PRIM2: variants seen among roughly 807,000 people sequenced by gnomAD.
PRIM2 encodes the protein DNA primase large subunit.
A neutral mutation model predicts 67.3 loss-of-function variants in PRIM2; 39 were observed. The ratio of observed to expected loss-of-function variants is 0.58; its 90% CI spans 0.45 to 0.76. The LOEUF is 0.76. Ranked by LOEUF, PRIM2 falls within the 30% of genes least tolerant of loss-of-function variation. PRIM2 has a pLI of 0.00. For missense variants in PRIM2, 398 were observed against 598.7 expected (o/e 0.66, Z 3.50); for synonymous variants, 143 against 198.7 (o/e 0.72, Z 2.36).
chr6:57,534,862 T>G lies in PRIM2; in HGVS notation c.834+2379T>G, dbSNP rs1481392883. On this transcript the variant is annotated intron_variant, in intron 9 of 13. Coordinates refer to ENST00000615550, the MANE Select transcript of PRIM2 (RefSeq NM_000947.5). ...AGAATCCAACTTACTTTGTCTTACT[T>G]GAAATGCCATCTCCTCAAAAAGGCT... Among the ~76,000 whole-genome samples, 7 of 152,326 alleles carry G rather than the reference T, an allele frequency of 4.6e-5. No individual in the cohort carries two copies. In the South Asian group the frequency reaches 1.5e-3, roughly 32 times the overall value.
chr6:57,329,252 T>G (rs4715656), intron 5 of PRIM2, among the ~76,000 whole-genome samples: 61,935 of 152,016 alleles, frequency 0.41, 13,494 homozygotes, highest in South Asian at 0.56. Flanking sequence ...CAGTTTTTTC[T>G]GTAAGAGTTT....
chr6:57,483,356 A>G (rs1192163218), intron 7 of PRIM2, among the ~76,000 whole-genome samples: 10 of 152,258 alleles, frequency 6.6e-5, no homozygotes, highest in African/African-American at 2.4e-4. Flanking sequence ...TGCCAACAGC[A>G]TTAACAATAT....
chr6:57,246,826 C>T, the PRIM2 span, among the ~76,000 whole-genome samples: 1 of 151,960 alleles, frequency 6.6e-6, no homozygotes, highest in Non-Finnish European at 1.5e-5. Context: ...GTGCTCCTTC[C>T]TGTACCAGAT....
At chr6:57,599,671 CTA>C (rs1264477744) in intron 10 of PRIM2, among the ~76,000 whole-genome samples, 2 of 152,148 alleles carry the variant, frequency 1.3e-5, no homozygotes, top group African/African-American at 4.8e-5. Flanking sequence ...TAAGATCTGT[CTA>C]TTGGATCTTT....
At chr6:57,534,380 G>T (rs1348929844) in intron 9 of PRIM2, among the ~76,000 whole-genome samples, 1 of 152,100 alleles carries the variant, frequency 6.6e-6, no homozygotes, top group Non-Finnish European at 1.5e-5. Context: ...CGCTATTGTT[G>T]TTATTGTTCT....
At chr6:57,357,267 G>C (rs1424962988) in intron 5 of PRIM2, among the ~76,000 whole-genome samples, 2 of 152,060 alleles carry the variant, frequency 1.3e-5, no homozygotes, top group African/African-American at 4.8e-5. Flanking sequence ...CAAGAGTGCA[G>C]ATATTTACAG....
the PRIM2 span, among the ~76,000 whole-genome samples, chr6:57,234,683 C>T: frequency 1.3e-5 from 2 of 152,102 alleles, no homozygotes; most frequent in African/African-American, 2.4e-5. Flanking sequence ...ACCACCATGC[C>T]CAGCTAATTT....
intron 5 of PRIM2, among the ~76,000 whole-genome samples, chr6:57,346,694 T>C (rs983582367): frequency 2.0e-5 from 3 of 152,190 alleles, no homozygotes; most frequent in African/African-American, 7.2e-5. Context: ...AAGTTAATTC[T>C]TTTTGGCTGA....
intron 11 of PRIM2, among the ~76,000 whole-genome samples, chr6:57,603,908 G>A (rs1230700800): frequency 6.6e-6 from 1 of 152,134 alleles, no homozygotes; most frequent in Non-Finnish European, 1.5e-5. Flanking sequence ...TTGCTTAGAT[G>A]TATTCCTAAA....
At chr6:57,324,139 A>G in intron 3 of PRIM2, 62 bp from the exon 4 acceptor site, 2 of 936,840 alleles carry the variant, frequency 2.1e-6, no homozygotes, top group Non-Finnish European at 1.7e-6. Flanking sequence ...CTGGCTCAGT[A>G]TTTCCTTACA....
intron 10 of PRIM2, among the ~76,000 whole-genome samples, chr6:57,593,403 A>G (rs1776315909): frequency 6.6e-6 from 1 of 151,964 alleles, no homozygotes; most frequent in Non-Finnish European, 1.5e-5. Flanking sequence ...CCCGGGTTCA[A>G]GTGACTCTCT....
At chr6:57,352,949 CTA>C (rs1464955256) in intron 5 of PRIM2, among the ~76,000 whole-genome samples, 1 of 152,046 alleles carries the variant, frequency 6.6e-6, no homozygotes, top group Non-Finnish European at 1.5e-5. Flanking sequence ...ATGAATAAAA[CTA>C]AATGCAGAGC....
intron 10 of PRIM2, among the ~76,000 whole-genome samples, chr6:57,567,331 A>G (rs1246910216): frequency 6.6e-6 from 1 of 152,084 alleles, no homozygotes; most frequent in African/African-American, 2.4e-5. Context: ...CTTTTACTGC[A>G]GTGTTCAATA....
the PRIM2 span, among the ~76,000 whole-genome samples, chr6:57,270,897 T>G: frequency 6.6e-6 from 1 of 152,042 alleles, no homozygotes; most frequent in Non-Finnish European, 1.5e-5. Flanking sequence ...ATGTGGTTTT[T>G]GTCTTTGGTT....
intron 10 of PRIM2, among the ~76,000 whole-genome samples, chr6:57,589,617 G>A (rs2127487942): frequency 6.6e-6 from 1 of 152,286 alleles, no homozygotes; most frequent in African/African-American, 2.4e-5. Flanking sequence ...AGTGAAATAA[G>A]CAGACCGCTG....
intron 13 of PRIM2, among the ~76,000 whole-genome samples, chr6:57,641,845 C>G (rs1172780526): frequency 6.6e-6 from 1 of 152,094 alleles, no homozygotes; most frequent in Non-Finnish European, 1.5e-5. Flanking sequence ...GGATCTAGAA[C>G]CAGAAATATC....
chr6:57,394,324 T>C (rs1029777009), intron 7 of PRIM2, among the ~76,000 whole-genome samples: 1 of 152,222 alleles, frequency 6.6e-6, no homozygotes, highest in South Asian at 2.1e-4. Flanking sequence ...GTTTGTGTTA[T>C]CTATGATTTC....
At chr6:57,448,755 C>A (rs1772439277) in intron 7 of PRIM2, among the ~76,000 whole-genome samples, 1 of 152,124 alleles carries the variant, frequency 6.6e-6, no homozygotes, top group Non-Finnish European at 1.5e-5. Flanking sequence ...AGTTGTTAAC[C>A]ATTACACTCG....
the PRIM2 span, among the ~76,000 whole-genome samples, chr6:57,233,627 T>TTTCCTCCCTCCCTCCCTTCC: frequency 1.3e-5 from 1 of 77,752 alleles, no homozygotes; most frequent in Admixed American, 2.0e-4. Flanking sequence ...CCTCCTTCCC[T>TTTCCTCCCTCCCTCCCTTCC]TTCCTCCCTC....
Sources: gnomAD v4.1 joint callset for allele counts (sites outside exome capture counted in the v4.1 genomes callset) on GRCh38, gnomAD v4.1.1 for gene constraint, MANE v1.5 for transcripts, NCBI Gene and HGNC (gene_info 2026-07-23, HGNC 2026-07-21) for gene names.